Variants in PNKD observed in about 807,000 individuals in gnomAD.
PNKD encodes probable thioesterase PNKD.
A neutral mutation model predicts 45.3 loss-of-function variants in PNKD; 36 were observed. The ratio of observed to expected loss-of-function variants is 0.80; its 90% CI spans 0.61 to 1.05. The LOEUF (loss-of-function observed/expected upper bound fraction) is 1.05, where lower values mean the gene tolerates loss of function less well. Ranked by LOEUF, PNKD falls within the 50% of genes least tolerant of loss-of-function variation. PNKD has a pLI of 0.00. For missense variants in PNKD, 511 were observed against 506.6 expected (o/e 1.01, Z -0.08); for synonymous variants, 197 against 210.1 (o/e 0.94, Z 0.54).
intron 2 of PNKD, among the ~76,000 whole-genome samples, chr2:218,317,308 T>C (rs1693842772): frequency 6.6e-6 from 1 of 152,202 alleles, no homozygotes; most frequent in South Asian, 2.1e-4. Flanking sequence ...AATTCCGTAT[T>C]TTTACAAGCT....
At chr2:218,311,705 C>G (rs562401992) in intron 2 of PNKD, among the ~76,000 whole-genome samples, 2 of 152,146 alleles carry the variant, frequency 1.3e-5, no homozygotes, top group East Asian at 3.9e-4. Flanking sequence ...AGCTTTACAC[C>G]GAGACATTCC....
chr2:218,289,966 C>T (rs751582462), intron 2 of PNKD: 2 of 152,176 alleles, frequency 1.3e-5, no homozygotes, highest in Non-Finnish European at 2.9e-5. Flanking sequence ...GTCCACTGAC[C>T]TGGGTTCATG....
intron 8 of PNKD, among the ~76,000 whole-genome samples, 181 bp from the exon 9 acceptor site, chr2:218,344,274 A>T (rs1447779644): frequency 2.6e-5 from 4 of 152,236 alleles, no homozygotes; most frequent in Middle Eastern, 3.4e-3. Context: ...CTTTTCACCC[A>T]TGGCTGACTT....
intron 2 of PNKD, among the ~76,000 whole-genome samples, chr2:218,296,968 G>A (rs1402949591): frequency 6.6e-6 from 1 of 152,336 alleles, no homozygotes; most frequent in South Asian, 2.1e-4. Flanking sequence ...AAGAGCTACC[G>A]CGCCGCCCGA....
At chr2:218,277,508 T>C (rs1691348047) in intron 2 of PNKD, 2 of 1,609,110 alleles carry the variant, frequency 1.2e-6, no homozygotes, top group African/African-American at 1.3e-5. Context: ...ATGAATGACT[T>C]CAAAATCACC....
chr2:218,322,836 A>G (rs747606188), intron 2 of PNKD, among the ~76,000 whole-genome samples: 4 of 152,252 alleles, frequency 2.6e-5, no homozygotes, highest in Non-Finnish European at 5.9e-5. Flanking sequence ...GGAGCTAGAA[A>G]AGTAATTCGG....
intron 2 of PNKD, chr2:218,277,554 C>T (rs1691351000): frequency 1.2e-6 from 2 of 1,608,966 alleles, no homozygotes; most frequent in Middle Eastern, 1.6e-4. Flanking sequence ...TCCACCCACG[C>T]AGCTGGCTGC....
At chr2:218,271,160 G>T (rs995817199) in intron 1 of PNKD, 8 of 602,224 alleles carry the variant, frequency 1.3e-5, no homozygotes, top group African/African-American at 1.3e-4. Flanking sequence ...TGGCACCAGG[G>T]TGATGAGCCC....
intron 2 of PNKD, chr2:218,277,888 C>T: frequency 6.2e-7 from 1 of 1,613,012 alleles, no homozygotes; most frequent in Non-Finnish European, 8.5e-7. Context: ...TGGGAGCAGT[C>T]TCCCTCACAG....
At chr2:218,336,019 A>G (rs1694479411) in intron 2 of PNKD, among the ~76,000 whole-genome samples, 1 of 151,950 alleles carries the variant, frequency 6.6e-6, no homozygotes. Context: ...GATTGAGACC[A>G]TCTTGGCCAA....
chr2:218,279,839 CAA>C (rs945424118), intron 2 of PNKD, among the ~76,000 whole-genome samples: 1 of 130,294 alleles, frequency 7.7e-6, no homozygotes, highest in African/African-American at 2.6e-5. Context: ...AAGAGAGGTG[CAA>C]AAAGAGAGGG....
chr2:218,322,651 C>T (rs1694018919), intron 2 of PNKD, among the ~76,000 whole-genome samples: 1 of 152,160 alleles, frequency 6.6e-6, no homozygotes, highest in Non-Finnish European at 1.5e-5. Flanking sequence ...GACTTCCTTT[C>T]GCAATTTATC....
intron 2 of PNKD, among the ~76,000 whole-genome samples, chr2:218,294,893 C>T (rs1693105350): frequency 6.6e-6 from 1 of 152,220 alleles, no homozygotes; most frequent in Non-Finnish European, 1.5e-5. Flanking sequence ...TAAGTTTCAA[C>T]AAATGAATGG....
chr2:218,277,769 GCCA>G (rs1691385559), intron 2 of PNKD: 8 of 1,560,380 alleles, frequency 5.1e-6, no homozygotes, highest in Non-Finnish European at 7.1e-6. Flanking sequence ...GCTGGGGAAC[GCCA>G]CCAAGTTGGA....
chr2:218,272,616 CG>C (rs1334514633), intron 2 of PNKD: 1 of 1,613,974 alleles, frequency 6.2e-7, no homozygotes, highest in African/African-American at 1.3e-5. Context: ...CCTCACCAAG[CG>C]GGAAGTGGAC....
intron 2 of PNKD, among the ~76,000 whole-genome samples, chr2:218,321,785 T>C (rs1177795748): frequency 6.6e-6 from 1 of 151,998 alleles, no homozygotes; most frequent in East Asian, 1.9e-4. Flanking sequence ...CATGCCACCA[T>C]GCCAGGCTAA....
At chr2:218,342,311 C>T (rs1489865102) in intron 7 of PNKD, among the ~76,000 whole-genome samples, 167 bp downstream of exon 7, 1 of 152,136 alleles carries the variant, frequency 6.6e-6, no homozygotes, top group Non-Finnish European at 1.5e-5. Context: ...TGAGACTTCC[C>T]TTGGGGCACC....
intron 2 of PNKD, chr2:218,287,426 C>G (rs1403672039): frequency 6.6e-6 from 1 of 152,596 alleles, no homozygotes; most frequent in Admixed American, 6.5e-5. Flanking sequence ...CAGTTAAGAC[C>G]GGGCCGGGTG....
chr2:218,341,464 C>T, intron 5 of PNKD, 70 bp from the exon 6 acceptor site: 3 of 993,252 alleles, frequency 3.0e-6, no homozygotes. Flanking sequence ...CCTGGAGATG[C>T]TGTGGTAAAG....
Sources: allele counts gnomAD v4.1 joint callset (sites outside exome capture counted in the v4.1 genomes callset), GRCh38; gene constraint gnomAD v4.1.1; transcripts MANE v1.5; gene names NCBI Gene and HGNC (gene_info 2026-07-23, HGNC 2026-07-21).